Variants in CBFA2T3 observed in about 807,000 individuals in gnomAD.
CBFA2T3 encodes CBFA2/RUNX1 partner transcriptional co-repressor 3.
In CBFA2T3, 31 loss-of-function variants were observed where a neutral mutation model predicts 58.6. The ratio of observed to expected loss-of-function variants is 0.53; its 90% CI spans 0.40 to 0.71. The LOEUF is 0.71. Among genes scored for constraint, CBFA2T3 ranks in the 30% least tolerant of loss-of-function variants. The pLI is 0.00. For synonymous variants in CBFA2T3, 531 were observed against 421.9 expected (o/e 1.26, Z -3.17); for missense variants, 1,076 against 963.1 (o/e 1.12, Z -1.55).
intron 1 of CBFA2T3, among the ~76,000 whole-genome samples, chr16:88,929,628 C>T (rs1036440737): frequency 8.3e-6 from 1 of 120,452 alleles, no homozygotes; most frequent in Non-Finnish European, 2.0e-5. Flanking sequence ...CTGCATCATC[C>T]ACGCAAAAAC....
At chr16:88,882,852 C>A (rs979805908) in intron 7 of CBFA2T3, 91 bp from the exon 8 acceptor site, 15 of 899,144 alleles carry the variant, frequency 1.7e-5, no homozygotes, top group Middle Eastern at 2.1e-4. Flanking sequence ...CCAGGCCCCA[C>A]CCGTGGGCTG....
At chr16:88,880,999 C>A in intron 9 of CBFA2T3, 1 of 677,722 alleles carries the variant, frequency 1.5e-6, no homozygotes, top group Non-Finnish European at 2.7e-6. Flanking sequence ...TTGGACTCGG[C>A]TGGGAGCCGT....
At chr16:88,884,864 CA>C in intron 7 of CBFA2T3, 181 bp downstream of exon 7, 1 of 555,704 alleles carries the variant, frequency 1.8e-6, no homozygotes, top group Non-Finnish European at 3.1e-6. Context: ...GGGCCCAGGA[CA>C]GGCCCCTCTG....
intron 1 of CBFA2T3, among the ~76,000 whole-genome samples, chr16:88,942,514 C>A (rs996757148): frequency 5.9e-5 from 9 of 152,214 alleles, no homozygotes; most frequent in Non-Finnish European, 8.8e-5. Flanking sequence ...CTTTTCCCCC[C>A]ACCCCTCGTC....
At chr16:88,922,686 T>C (rs1478667025) in intron 1 of CBFA2T3, among the ~76,000 whole-genome samples, 1 of 152,218 alleles carries the variant, frequency 6.6e-6, no homozygotes, top group Non-Finnish European at 1.5e-5. Flanking sequence ...AAATCCCGCC[T>C]ACAGGCCGGG....
chr16:88,898,822 A>C (rs1025421332), intron 2 of CBFA2T3, among the ~76,000 whole-genome samples: 1 of 152,216 alleles, frequency 6.6e-6, no homozygotes, highest in Non-Finnish European at 1.5e-5. Context: ...CAGGAGTTCA[A>C]GACCAGCCTG....
chr16:88,893,234 G>A (rs1445226178), intron 3 of CBFA2T3, among the ~76,000 whole-genome samples: 1 of 134,904 alleles, frequency 7.4e-6, no homozygotes, highest in Non-Finnish European at 1.5e-5. Context: ...CCCACACACA[G>A]GCGCCTCCCA....
rs779666652 is a variant in CBFA2T3 at position 88,901,530 on chromosome 16, C to T, written c.278G>A (p.Arg93His). The change falls in exon 2 of 12, where the codon CGC (arginine) becomes CAC (histidine). Residue 93 changes from arginine (R) to histidine (H), a missense_variant. Arg to His is a conservative substitution (Grantham distance 29). Coordinates refer to ENST00000268679, the MANE Select transcript of CBFA2T3 (RefSeq NM_005187.6). ...PPPAASQGAT[R>H]PPSFTPHTHR... ...TGTGTGTGGCGTGAAGGAGGGGGGG[C>T]GTGTGGCCCCCTGGGATGCGGCAGG... 8 of 1,474,330 alleles carry T rather than the reference C, an allele frequency of 5.4e-6. No homozygotes were observed. The highest frequency in any genetic ancestry group is 2.9e-5 in the Admixed American group (1 of 35,028). 91.3% of individuals were successfully genotyped at this position (1,474,330 alleles called of 1,614,324 possible). A position where few individuals can be genotyped will look rare whatever the true frequency, so the allele number is the denominator to read the frequency against.
intron 5 of CBFA2T3, among the ~76,000 whole-genome samples, chr16:88,889,662 G>C (rs1597675017): frequency 6.6e-6 from 1 of 152,068 alleles, no homozygotes; most frequent in Non-Finnish European, 1.5e-5. Context: ...CAACAGGTCT[G>C]TGAGAGACCT....
At chr16:88,952,020 T>C (rs1972086600) in intron 1 of CBFA2T3, among the ~76,000 whole-genome samples, 1 of 152,160 alleles carries the variant, frequency 6.6e-6, no homozygotes, top group African/African-American at 2.4e-5. Context: ...CCAGGACCCC[T>C]GTGCAGAGGT....
At chr16:88,964,927 TCC>T (rs1972459089) in intron 1 of CBFA2T3, among the ~76,000 whole-genome samples, 1 of 145,306 alleles carries the variant, frequency 6.9e-6, no homozygotes, top group South Asian at 2.2e-4. Context: ...CATCCATCCA[TCC>T]ATCCATCCAT....
At chr16:88,975,163 G>GGCCCTCTCTGCTCC (rs1567643895) in intron 1 of CBFA2T3, among the ~76,000 whole-genome samples, 2 of 134,278 alleles carry the variant, frequency 1.5e-5, no homozygotes, top group Non-Finnish European at 3.2e-5. Context: ...GGTCCACCCT[G>GGCCCTCTCTGCTCC]ACCCTCTCTG....
At chr16:88,881,823 G>A (rs1180566389) in intron 8 of CBFA2T3, among the ~76,000 whole-genome samples, 5 of 152,232 alleles carry the variant, frequency 3.3e-5, no homozygotes, top group Non-Finnish European at 7.3e-5. Flanking sequence ...GCATGAGGGC[G>A]AGGGGCGAGG....
chr16:88,885,635 G>T lies in CBFA2T3; in HGVS notation c.893+326C>A. 1 of 427,002 alleles carries T rather than the reference G, an allele frequency of 2.3e-6. No homozygotes were observed. The allele number at this position is 427,002 out of a possible 1,614,324, so 26.5% of individuals were successfully genotyped here. ...ACAAGAGCGTCTGGGGCAGCAGAGG[G>T]GGCCCAGCCCAGGCACCTGGGGACC... On this transcript the variant is annotated intron_variant, in intron 6 of 11. Coordinates refer to ENST00000268679, the MANE Select transcript of CBFA2T3 (RefSeq NM_005187.6). The surrounding 1 kb of genome is among the most constrained non-coding windows in gnomAD (Gnocchi z 5.3).
At chr16:88,914,194 G>A (rs546043413) in intron 1 of CBFA2T3, among the ~76,000 whole-genome samples, 46 of 152,356 alleles carry the variant, frequency 3.0e-4, no homozygotes, top group African/African-American at 9.6e-4. Flanking sequence ...CATGGGATGC[G>A]AGAGTCCGTT....
intron 1 of CBFA2T3, among the ~76,000 whole-genome samples, chr16:88,925,918 T>C (rs1971072113): frequency 6.6e-6 from 1 of 152,196 alleles, no homozygotes; most frequent in Non-Finnish European, 1.5e-5. Context: ...TACGATGATT[T>C]TTAAAAGAGA....
At chr16:88,973,566 C>A (rs916137840) in intron 1 of CBFA2T3, among the ~76,000 whole-genome samples, 3 of 152,212 alleles carry the variant, frequency 2.0e-5, no homozygotes, top group Admixed American at 1.3e-4. Context: ...AGACCCAGAA[C>A]CTTCCAATGC....
intron 11 of CBFA2T3, 31 bp downstream of exon 11, chr16:88,879,239 G>A: frequency 6.4e-7 from 1 of 1,557,676 alleles, no homozygotes; most frequent in Non-Finnish European, 8.7e-7. Context: ...CGAGGCAGGG[G>A]ATGGGTGTCA....
intron 1 of CBFA2T3, among the ~76,000 whole-genome samples, chr16:88,969,857 C>T (rs998285413): frequency 2.6e-5 from 4 of 152,216 alleles, no homozygotes; most frequent in East Asian, 1.9e-4. Context: ...GCAGAGCCCC[C>T]GATCTTCTGC....
Sources: gnomAD v4.1 joint callset for allele counts (sites outside exome capture counted in the v4.1 genomes callset) on GRCh38, gnomAD v4.1.1 for gene constraint, Gnocchi (gnomAD v3.1) non-coding constraint, MANE v1.5 for transcripts, NCBI Gene and HGNC (gene_info 2026-07-23, HGNC 2026-07-21) for gene names.